The following NLN variants were observed in gnomAD, a reference collection of about 807,000 sequenced individuals.
NLN encodes neurolysin, also known as neurolysin, mitochondrial.
NLN carries 64 observed loss-of-function variants against 79.9 expected under a neutral mutation model. The observed-to-expected ratio is 0.80, with a 90% CI of 0.65 to 0.99. The LOEUF (loss-of-function observed/expected upper bound fraction) is 0.99. NLN is among the 50% of genes least tolerant of loss of function. NLN has a pLI of 0.00. For synonymous variants in NLN, 267 were observed against 296.6 expected (o/e 0.90, Z 1.02); for missense variants, 835 against 858.7 (o/e 0.97, Z 0.34).
At chr5:65,752,802 T>C (rs549185335) in intron 1 of NLN, among the ~76,000 whole-genome samples, 1 of 152,356 alleles carries the variant, frequency 6.6e-6, no homozygotes, top group Admixed American at 6.5e-5. Context: ...GGCATTCCGC[T>C]GTCACCATTC....
At chr5:65,773,430 G>A (rs1213049208) in intron 3 of NLN, among the ~76,000 whole-genome samples, 2 of 152,152 alleles carry the variant, frequency 1.3e-5, no homozygotes, top group South Asian at 4.1e-4. Flanking sequence ...ACTGTGCCCA[G>A]CCCTGAATTC....
intron 9 of NLN, among the ~76,000 whole-genome samples, chr5:65,797,970 A>G (rs1760205355): frequency 6.6e-6 from 1 of 152,204 alleles, no homozygotes; most frequent in African/African-American, 2.4e-5. Flanking sequence ...AGTAACAGAA[A>G]GAGCAGCTTG....
chr5:65,742,223 G>A (rs528427189), intron 1 of NLN, among the ~76,000 whole-genome samples: 3 of 151,882 alleles, frequency 2.0e-5, no homozygotes, highest in African/African-American at 7.3e-5. Context: ...TTAAAAAAAT[G>A]GATCATAAAC....
intron 1 of NLN, among the ~76,000 whole-genome samples, chr5:65,730,058 A>G (rs1758571645): frequency 6.6e-6 from 1 of 152,206 alleles, no homozygotes; most frequent in East Asian, 1.9e-4. Context: ...TTCTTCATTC[A>G]CCAAATATTT....
chr5:65,802,631 G>A (rs1476068391), intron 9 of NLN, among the ~76,000 whole-genome samples: 2 of 152,324 alleles, frequency 1.3e-5, no homozygotes, highest in South Asian at 2.1e-4. Context: ...CCTGTCCCGT[G>A]CCCAGGAAGA....
rs564563727 is a variant in NLN at position 65,799,287 on chromosome 5, T to C, written c.1527+6632T>C. Reference sequence around the variant, plus strand: ...GAAAGAAAAGTTATAGTATCTTGAATGTTCAGAATTTAGCTTGAGGACATG... The same window carrying C: ...GAAAGAAAAGTTATAGTATCTTGAACGTTCAGAATTTAGCTTGAGGACATG... On this transcript the variant is annotated intron_variant, in intron 9 of 12. Transcript: ENST00000380985. Among the ~76,000 whole-genome samples the C allele has an allele frequency of 4.6e-5, 7 of 152,274 alleles. No individual in the cohort carries two copies. The East Asian group carries it at 1.2e-3, about 25-fold the overall frequency.
At position 65,788,394 on chromosome 5, in the gene NLN, A is replaced by G; in HGVS notation, c.1235A>G (p.His412Arg). 6.2e-7 allele frequency: 1 copy of G among 1,614,172 alleles called. No individual in the cohort carries two copies. The highest frequency in any genetic ancestry group is 8.5e-7 in the Non-Finnish European group (1 of 1,179,990). Reference sequence around the variant, plus strand: ...TCATTTGAACAAATGACAGATGCTCATGTTTGGAACAAGAGTGTTACACTT... The same window carrying G: ...TCATTTGAACAAATGACAGATGCTCGTGTTTGGAACAAGAGTGTTACACTT... Reference protein sequence around the residue: ...GLSFEQMTDAHVWNKSVTLYT... With the variant: ...GLSFEQMTDARVWNKSVTLYT... The change falls in exon 8 of 13, where the codon CAT becomes CGT. Residue 412 changes from histidine (H) to arginine (R), a missense_variant. His to Arg is a conservative substitution (Grantham distance 29). Transcript: ENST00000380985.
chr5:65,770,692 C>T (rs1223354125), intron 3 of NLN, among the ~76,000 whole-genome samples: 1 of 152,158 alleles, frequency 6.6e-6, no homozygotes, highest in Admixed American at 6.5e-5. Context: ...CTAGAGATAC[C>T]TTTGCATTTG....
At chr5:65,756,656 G>A (rs898557737) in intron 1 of NLN, among the ~76,000 whole-genome samples, 4 of 152,056 alleles carry the variant, frequency 2.6e-5, no homozygotes, top group Admixed American at 6.6e-5. Flanking sequence ...GGAGTTTTTT[G>A]TTGTTGTCGT....
rs894991336 is a variant in NLN at position 65,823,626 on chromosome 5, G to A, written c.*711G>A. ...TTTGTATCTTGTATTAGAGGATTTC[G>A]TAGCTTTTATTAGAGGCTCATTTCC... On this transcript the variant is annotated 3_prime_UTR_variant, in exon 13 of 13. Transcript: ENST00000380985. 7.9e-5 allele frequency: 12 copies of A among 152,120 alleles called. No homozygotes were observed. Among genetic ancestry groups the A allele is most frequent in the African/African-American group, 2.2e-4 (9 of 41,490 alleles). The allele number at this position is 152,120 out of a possible 1,614,324, so 9.4% of individuals were successfully genotyped here. A position where few individuals can be genotyped will look rare whatever the true frequency, so the allele number is the denominator to read the frequency against.
chr5:65,738,096 T>G (rs1758768277), intron 1 of NLN, among the ~76,000 whole-genome samples: 1 of 147,560 alleles, frequency 6.8e-6, no homozygotes, highest in South Asian at 2.1e-4. Flanking sequence ...ACCATGGCAC[T>G]CCAGCCTGGG....
In NLN at chr5:65,788,290, A is replaced by T. The variant is rs144812003; in HGVS notation, c.1131A>T (p.Gln377His). ...QTEELKYSIDQEFLKEYFPIE... is the reference protein window; with the variant it reads ...QTEELKYSIDHEFLKEYFPIE... Reference sequence around the variant, plus strand: ...AGGAACTCAAGTATTCCATAGACCAAGAGTTCCTCAAGGAATACTTCCCAA... The same window carrying T: ...AGGAACTCAAGTATTCCATAGACCATGAGTTCCTCAAGGAATACTTCCCAA... The change falls in exon 8 of 13, where the codon CAA becomes CAT. Residue 377 changes from glutamine (Q) to histidine (H), a missense_variant. Gln to His is a conservative substitution (Grantham distance 24, BLOSUM62 0). Coordinates refer to ENST00000380985, the MANE Select transcript of NLN (RefSeq NM_020726.5). The T allele has an allele frequency of 6.2e-7, 1 of 1,613,788 alleles. No individual in the cohort carries two copies. Among genetic ancestry groups the T allele is most frequent in the African/African-American group, 1.3e-5 (1 of 74,936 alleles).
chr5:65,750,094 A>G (rs1347759645), intron 1 of NLN, among the ~76,000 whole-genome samples: 1 of 152,188 alleles, frequency 6.6e-6, no homozygotes, highest in Non-Finnish European at 1.5e-5. Context: ...GTACCCAAGG[A>G]AGGGCACAGG....
chr5:65,813,380 T>A (rs1579971258), intron 12 of NLN, among the ~76,000 whole-genome samples: 1 of 152,132 alleles, frequency 6.6e-6, no homozygotes, highest in African/African-American at 2.4e-5. Flanking sequence ...ACATACCTAT[T>A]CCTGCATGAC....
intron 12 of NLN, among the ~76,000 whole-genome samples, chr5:65,821,917 TG>T (rs1760809389): frequency 6.6e-6 from 1 of 152,224 alleles, no homozygotes; most frequent in South Asian, 2.1e-4. Context: ...ACGACAGAGC[TG>T]GAAATTCTCT....
rs181089957 is a variant in NLN at position 65,810,052 on chromosome 5, G to A, written c.1730G>A (p.Arg577His). ...RLVNTGLLTLRQIVLSKVDQS... is the reference protein window; with the variant it reads ...RLVNTGLLTLHQIVLSKVDQS... The stretch of plus-strand genomic sequence containing the variant: ...ATGTTATTAGGTCTTCTGACCCTGC[G>A]CCAGATTGTTTTGAGCAAAGTTGAT... The change falls in exon 11 of 13, where the codon CGC (arginine) becomes CAC (histidine). Residue 577 changes from arginine to histidine, a missense_variant. Physicochemically the swap from Arg to His is conservative, Grantham distance 29 (BLOSUM62 0). Coordinates refer to ENST00000380985, the MANE Select transcript of NLN (RefSeq NM_020726.5). 75 of 1,613,920 alleles carry A rather than the reference G, an allele frequency of 4.6e-5. No individual in the cohort carries two copies. In the East Asian group the frequency reaches 1.2e-3, roughly 26 times the overall value.
At chr5:65,762,025 T>C (rs1759350848) in intron 2 of NLN, among the ~76,000 whole-genome samples, 1 of 152,238 alleles carries the variant, frequency 6.6e-6, no homozygotes. Context: ...TTCTATAGTA[T>C]TGGTTATTTC....
intron 3 of NLN, among the ~76,000 whole-genome samples, chr5:65,775,912 C>T (rs1490408084): frequency 6.6e-6 from 1 of 152,182 alleles, no homozygotes; most frequent in African/African-American, 2.4e-5. Flanking sequence ...CTGAGGATAA[C>T]CTCAGAGTAA....
chr5:65,726,140 A>G (rs559300687), intron 1 of NLN, among the ~76,000 whole-genome samples: 1 of 151,410 alleles, frequency 6.6e-6, no homozygotes, highest in South Asian at 2.1e-4. Flanking sequence ...ATGGTTTTCC[A>G]TGAAAAAAAT....
Sources: allele counts gnomAD v4.1 joint callset (sites outside exome capture counted in the v4.1 genomes callset), GRCh38; gene constraint gnomAD v4.1.1; transcripts MANE v1.5; gene names NCBI Gene and HGNC (gene_info 2026-07-23, HGNC 2026-07-21).